Variants in FHIT observed in about 807,000 individuals in gnomAD.
FHIT encodes bis(5'-adenosyl)-triphosphatase.
A neutral mutation model predicts 17.9 loss-of-function variants in FHIT; 19 were observed. That is an observed-to-expected ratio of 1.06 (90% CI 0.74 to 1.56). The LOEUF is 1.56. FHIT is among the 40% of genes most tolerant of loss of function. FHIT has a pLI of 0.00. For missense variants in FHIT, 248 were observed against 189.2 expected (o/e 1.31, Z -1.82); for synonymous variants, 81 against 69.7 (o/e 1.16, Z -0.81).
chr3:60,698,902 C>T lies in FHIT; in HGVS notation c.-18+123017G>A, dbSNP rs544282422. Among the ~76,000 whole-genome samples, 17 of 152,222 alleles carry T rather than the reference C, an allele frequency of 1.1e-4. No individual in the cohort carries two copies. The East Asian group carries it at 3.3e-3, about 29-fold the overall frequency. On this transcript the variant is annotated intron_variant, in intron 4 of 9. Coordinates refer to ENST00000492590, the MANE Select transcript of FHIT (RefSeq NM_002012.4). ...AAAAATAATCTATTAGCACATCACC[C>T]AGAGAAACTGACTTTTAACAGTCTG...
intron 4 of FHIT, among the ~76,000 whole-genome samples, chr3:60,565,443 G>A (rs2037099153): frequency 6.6e-6 from 1 of 152,140 alleles, no homozygotes; most frequent in African/African-American, 2.4e-5. Flanking sequence ...AATGGAGAAT[G>A]CTATAACACC....
chr3:60,018,971 ACT>A (rs1374692133), intron 5 of FHIT, among the ~76,000 whole-genome samples: 2 of 151,756 alleles, frequency 1.3e-5, no homozygotes, highest in Non-Finnish European at 2.9e-5. Flanking sequence ...CAAGAGCAAA[ACT>A]CTGTCTCAAA....
chr3:60,952,169 AC>A (rs151305076), intron 3 of FHIT, among the ~76,000 whole-genome samples: 11,101 of 87,898 alleles, frequency 0.13, 379 homozygotes, highest in Middle Eastern at 0.29. Flanking sequence ...CGTCCTCCCC[AC>A]CCCCCCCCCA....
intron 5 of FHIT, among the ~76,000 whole-genome samples, chr3:60,209,911 A>G (rs1343866907): frequency 6.6e-6 from 1 of 152,110 alleles, no homozygotes; most frequent in African/African-American, 2.4e-5. Context: ...AGGGAGGGGA[A>G]CAACACACAA....
chr3:60,636,244 T>C (rs1553683827), intron 4 of FHIT, among the ~76,000 whole-genome samples: 1 of 152,140 alleles, frequency 6.6e-6, no homozygotes, highest in East Asian at 1.9e-4. Context: ...CTAATTTTTA[T>C]ATTTTTAGTA....
intron 5 of FHIT, among the ~76,000 whole-genome samples, chr3:60,449,303 TGA>T (rs1451048593): frequency 2.0e-5 from 3 of 152,146 alleles, no homozygotes; most frequent in Admixed American, 1.3e-4. Context: ...TATGCAACTG[TGA>T]GAAAGTCACA....
At chr3:61,242,095 T>C (rs1199402569) in intron 1 of FHIT, among the ~76,000 whole-genome samples, 2 of 152,094 alleles carry the variant, frequency 1.3e-5, no homozygotes, top group African/African-American at 4.8e-5. Context: ...TCCTGGACCG[T>C]TGATATAAGG....
In FHIT at chr3:60,299,693, C is replaced by T. The variant is rs905766858; in HGVS notation, c.103+237167G>A. The stretch of plus-strand genomic sequence containing the variant: ...AAAATCCAGGCTCCCCATGTGGACT[C>T]GTTACCACCCACTGGATATGAGAAT... On this transcript the variant is annotated intron_variant, in intron 5 of 9. Transcript: ENST00000492590. Among the ~76,000 whole-genome samples, 4 of 152,142 alleles carry T rather than the reference C, an allele frequency of 2.6e-5. No individual in the cohort carries two copies. In the East Asian group the frequency reaches 7.8e-4, roughly 30 times the overall value.
chr3:60,015,832 C>T (rs74414406), intron 5 of FHIT, among the ~76,000 whole-genome samples: 3,501 of 151,260 alleles, frequency 0.023, 146 homozygotes, highest in African/African-American at 0.081. Flanking sequence ...TTAGTAATAT[C>T]AATGACATCC....
At chr3:61,012,351 C>A (rs1358589443) in intron 3 of FHIT, among the ~76,000 whole-genome samples, 1 of 151,646 alleles carries the variant, frequency 6.6e-6, no homozygotes, top group Non-Finnish European at 1.5e-5. Context: ...GTTTTTCTCT[C>A]AATAAAATTG....
At chr3:60,249,664 C>T (rs900438140) in intron 5 of FHIT, among the ~76,000 whole-genome samples, 3 of 135,112 alleles carry the variant, frequency 2.2e-5, no homozygotes, top group Non-Finnish European at 3.2e-5. Context: ...GGAGACTGGG[C>T]ACAATATCAA....
At chr3:60,732,680 ACTG>A in intron 4 of FHIT, 1 of 236,168 alleles carries the variant, frequency 4.2e-6, no homozygotes, top group South Asian at 4.0e-5. Context: ...GTCTGCAAAG[ACTG>A]CTTTTTTTTT....
At chr3:59,766,010 A>G (rs1310985898) in intron 8 of FHIT, among the ~76,000 whole-genome samples, 1 of 152,218 alleles carries the variant, frequency 6.6e-6, no homozygotes, top group Non-Finnish European at 1.5e-5. Context: ...ATCCATAGAG[A>G]TGCCTAAAAC....
intron 2 of FHIT, among the ~76,000 whole-genome samples, chr3:61,148,967 A>G (rs1375088244): frequency 2.0e-5 from 3 of 152,226 alleles, no homozygotes; most frequent in Non-Finnish European, 2.9e-5. Context: ...TCATGCCACA[A>G]TGGAAAGATT....
At chr3:60,020,654 C>T (rs1168273580) in intron 5 of FHIT, among the ~76,000 whole-genome samples, 1 of 152,174 alleles carries the variant, frequency 6.6e-6, no homozygotes, top group East Asian at 1.9e-4. Context: ...CAATGCAGAC[C>T]TCAGCAGACC....
At chr3:60,291,303 G>T (rs1707972862) in intron 5 of FHIT, among the ~76,000 whole-genome samples, 1 of 152,134 alleles carries the variant, frequency 6.6e-6, no homozygotes, top group Non-Finnish European at 1.5e-5. Context: ...TGTGCCATTT[G>T]TATAGGGCAT....
At chr3:61,086,243 T>C (rs944723601) in intron 2 of FHIT, among the ~76,000 whole-genome samples, 4 of 152,146 alleles carry the variant, frequency 2.6e-5, no homozygotes, top group East Asian at 1.9e-4. Flanking sequence ...TTAAAAAATA[T>C]ATAGAGAGTC....
intron 5 of FHIT, among the ~76,000 whole-genome samples, chr3:60,417,495 G>C (rs1307070171): frequency 1.3e-5 from 2 of 152,104 alleles, no homozygotes; most frequent in African/African-American, 4.8e-5. Context: ...AGCTGACAAA[G>C]GCATAGGCTT....
At chr3:61,205,010 T>C (rs1576210415) in intron 1 of FHIT, among the ~76,000 whole-genome samples, 1 of 133,684 alleles carries the variant, frequency 7.5e-6, no homozygotes, top group Non-Finnish European at 1.5e-5. Flanking sequence ...TGTGATGTTC[T>C]CCTTCCTGTG....
Sources: gnomAD v4.1 joint callset for allele counts (sites outside exome capture counted in the v4.1 genomes callset) on GRCh38, gnomAD v4.1.1 for gene constraint, MANE v1.5 for transcripts, NCBI Gene and HGNC (gene_info 2026-07-23, HGNC 2026-07-21) for gene names.